TTC19: variants seen among roughly 807,000 people sequenced by gnomAD.
The protein encoded by TTC19 is tetratricopeptide repeat protein 19, mitochondrial.
TTC19 carries 38 observed loss-of-function variants against 49.5 expected under a neutral mutation model. That is an observed-to-expected ratio of 0.77 (90% CI 0.59 to 1.01). The LOEUF (loss-of-function observed/expected upper bound fraction) is 1.01. Among genes scored for constraint, TTC19 ranks in the 50% least tolerant of loss-of-function variants. The pLI, the probability that TTC19 is intolerant of heterozygous loss-of-function variation, is 0.00. For synonymous variants in TTC19, 204 were observed against 185.2 expected, an observed-to-expected ratio of 1.10 and a Z score of -0.83; for missense variants, 475 against 477.7, an observed-to-expected ratio of 0.99 and a Z score of 0.05.
Position 16,028,868 on chromosome 17 carries a change from A to C in TTC19, c.*1346A>C, listed in dbSNP as rs1705029565. ...AAAACTTTCTGAAGAAAATAAAAAC[A>C]CCAGAAACCTTGAGGTCCAAATCCT... On this transcript the variant is annotated 3_prime_UTR_variant, in exon 10 of 10. Transcript: ENST00000261647. 1 of 402,456 alleles carries C rather than the reference A, an allele frequency of 2.5e-6. No individual in the cohort carries two copies. The highest frequency in any genetic ancestry group is 4.7e-6 in the Non-Finnish European group (1 of 211,350). 24.9% of individuals were successfully genotyped at this position (402,456 alleles called of 1,614,324 possible).
chr17:16,022,013 G>T (rs1485646589), intron 7 of TTC19, among the ~76,000 whole-genome samples: 1 of 152,098 alleles, frequency 6.6e-6, no homozygotes, highest in Non-Finnish European at 1.5e-5. Flanking sequence ...TTGTCTCCCT[G>T]TGCCTGTGGT....
intron 7 of TTC19, among the ~76,000 whole-genome samples, chr17:16,010,432 A>G (rs6502484): frequency 0.082 from 12,429 of 151,096 alleles, 960 homozygotes; most frequent in African/African-American, 0.2. Context: ...TCAGCCTCCC[A>G]AAGTGCTGGG....
At chr17:16,009,107 C>G (rs1970994148) in intron 7 of TTC19, among the ~76,000 whole-genome samples, 1 of 152,004 alleles carries the variant, frequency 6.6e-6, no homozygotes, top group African/African-American at 2.4e-5. Flanking sequence ...AACAAAAGAC[C>G]CAAGAAAGAC....
exon 3 of TTC19, chr17:16,044,676 A>G (rs1210604719): frequency 1.5e-6 from 1 of 668,184 alleles, no homozygotes; most frequent in Non-Finnish European, 2.9e-6. Flanking sequence ...CTGCATGACA[A>G]TGAGGTGACC....
intron 2 of TTC19, among the ~76,000 whole-genome samples, chr17:16,042,752 G>C (rs953586877): frequency 6.6e-6 from 1 of 152,190 alleles, no homozygotes; most frequent in African/African-American, 2.4e-5. Context: ...GTTAACTGTG[G>C]TAGGGAAGGA....
At chr17:16,037,370 T>C (rs1028526902) in intron 2 of TTC19, among the ~76,000 whole-genome samples, 3 of 152,060 alleles carry the variant, frequency 2.0e-5, no homozygotes, top group Non-Finnish European at 2.9e-5. Context: ...AAAATAATGC[T>C]GATAGACTTG....
chr17:16,026,131 G>GA (rs1207192512), intron 8 of TTC19, among the ~76,000 whole-genome samples: 1 of 138,326 alleles, frequency 7.2e-6, no homozygotes, highest in Non-Finnish European at 1.6e-5. Context: ...TGAGCCTCAG[G>GA]GTTATCAGCA....
intron 7 of TTC19, among the ~76,000 whole-genome samples, chr17:16,022,346 A>C (rs1028528445): frequency 6.6e-6 from 1 of 152,222 alleles, no homozygotes; most frequent in African/African-American, 2.4e-5. Flanking sequence ...TGTTTGAAGC[A>C]GATGGGTTTC....
chr17:16,003,937 A>G (rs1191201281), intron 5 of TTC19, 50 bp downstream of exon 5: 14 of 1,592,008 alleles, frequency 8.8e-6, no homozygotes, highest in Non-Finnish European at 1.1e-5. Context: ...TTTTCAAAAC[A>G]GTCTTGTCTC....
chr17:16,013,440 T>C (rs555322372), intron 7 of TTC19, among the ~76,000 whole-genome samples: 75 of 152,346 alleles, frequency 4.9e-4, no homozygotes, highest in Admixed American at 4.2e-3. Flanking sequence ...GAGATATTTT[T>C]CAAGCTTTGA....
intron 7 of TTC19, among the ~76,000 whole-genome samples, chr17:16,014,533 A>C (rs1971160384): frequency 6.6e-6 from 1 of 152,194 alleles, no homozygotes; most frequent in Admixed American, 6.5e-5. Context: ...TATTCACACT[A>C]ATTCCAGATT....
intron 2 of TTC19, among the ~76,000 whole-genome samples, chr17:16,041,668 G>A (rs1196467242): frequency 6.6e-6 from 1 of 152,044 alleles, no homozygotes; most frequent in Non-Finnish European, 1.5e-5. Context: ...ACCCACCTCA[G>A]CCTCCTAAAG....
chr17:16,002,562 T>A (rs1970772863), intron 3 of TTC19: 2 of 563,664 alleles, frequency 3.5e-6, no homozygotes, highest in African/African-American at 1.9e-5. Flanking sequence ...CATGTTTTTT[T>A]AATGATGAGT....
In TTC19 at chr17:16,003,859, G is replaced by A. The variant is rs751282671; in HGVS notation, c.491G>A (p.Ser164Asn). The A allele has an allele frequency of 1.2e-6, 2 of 1,613,838 alleles. No individual in the cohort carries two copies. Among genetic ancestry groups the A allele is most frequent in the South Asian group, 1.1e-5 (1 of 91,048 alleles). ...GAACAACTTTTTAAAGCAACAATGAGTTACCTCCTTGGAGGGGGCATGAAG... is the reference window on the plus strand; with the variant it reads ...GAACAACTTTTTAAAGCAACAATGAATTACCTCCTTGGAGGGGGCATGAAG... ...NAEQLFKATM[S>N]YLLGGGMKQE... The change falls in exon 5 of 10, where the codon AGT becomes AAT. Residue 164 changes from serine (S) to asparagine (N), a missense_variant. Transcript: ENST00000261647.
downstream of TTC19, chr17:16,032,365 C>T: frequency 6.2e-7 from 1 of 1,614,108 alleles, no homozygotes; most frequent in Non-Finnish European, 8.5e-7. Context: ...GCTCCCAGAT[C>T]CTGTTCTGTT....
chr17:16,022,324 A>G (rs562415690), intron 7 of TTC19, among the ~76,000 whole-genome samples: 1 of 152,292 alleles, frequency 6.6e-6, no homozygotes, highest in South Asian at 2.1e-4. Flanking sequence ...TAGTTTATCT[A>G]AGGTTTCCAG....
At chr17:16,002,893 TAGTA>T in intron 4 of TTC19, 62 bp downstream of exon 4, 8 of 1,467,318 alleles carry the variant, frequency 5.5e-6, no homozygotes, top group South Asian at 3.4e-5. Flanking sequence ...GGAACTGTAA[TAGTA>T]AGAGTACAGG....
chr17:16,006,910 C>T (rs985308386), intron 7 of TTC19, among the ~76,000 whole-genome samples: 7 of 151,914 alleles, frequency 4.6e-5, no homozygotes, highest in East Asian at 1.9e-4. Context: ...ATGCTTATTA[C>T]GTTTTAGCCC....
chr17:16,044,831 G>C, exon 3 of TTC19: 1 of 1,065,062 alleles, frequency 9.4e-7, no homozygotes, highest in Non-Finnish European at 1.4e-6. Context: ...ACCTGCTCCA[G>C]CAGCTGGTGC....
Sources: gnomAD v4.1 joint callset for allele counts (sites outside exome capture counted in the v4.1 genomes callset) on GRCh38, gnomAD v4.1.1 for gene constraint, MANE v1.5 for transcripts, NCBI Gene and HGNC (gene_info 2026-07-23, HGNC 2026-07-21) for gene names.